Variants in SYT1 observed in about 807,000 individuals in gnomAD.
SYT1 encodes the protein synaptotagmin-1.
A neutral mutation model predicts 44.8 loss-of-function variants in SYT1; 8 were observed. That is an observed-to-expected ratio of 0.18 (90% CI 0.10 to 0.32). The LOEUF is 0.32. Among genes scored for constraint, SYT1 ranks in the 10% least tolerant of loss-of-function variants. The pLI is 1.00. For synonymous variants in SYT1, 154 were observed against 188.8 expected (o/e 0.82, Z 1.51); for missense variants, 286 against 509.3 (o/e 0.56, Z 4.22).
intron 1 of SYT1, among the ~76,000 whole-genome samples, chr12:78,939,546 A>G (rs960429523): frequency 6.6e-6 from 1 of 152,144 alleles, no homozygotes; most frequent in Non-Finnish European, 1.5e-5. Flanking sequence ...AATACAAAAT[A>G]ATTACAGAAC....
At chr12:79,120,954 G>GATAT (rs1555199872) in intron 3 of SYT1, among the ~76,000 whole-genome samples, 1 of 139,904 alleles carries the variant, frequency 7.1e-6, no homozygotes, top group Non-Finnish European at 1.5e-5. Flanking sequence ...TATATATATA[G>GATAT]ATATATATAC....
chr12:79,450,704 C>CACAA lies in SYT1; in HGVS notation c.*1584_*1587dup, dbSNP rs1491379871. The CACAA allele has an allele frequency of 7.2e-5, 11 of 152,612 alleles. No individual in the cohort carries two copies. The highest frequency in any genetic ancestry group is 2.2e-4 in the African/African-American group (9 of 41,440). The allele number at this position is 152,612 out of a possible 1,614,324, so 9.5% of individuals were successfully genotyped here. A position where few individuals can be genotyped will look rare whatever the true frequency, so the allele number is the denominator to read the frequency against. On this transcript the variant is annotated 3_prime_UTR_variant, in exon 11 of 11. Transcript: ENST00000261205. ...ACTGCACTGCCCAAGGTGTGTGTAG[C>CACAA]ACAAACAGTTCTCATTACAAAGGAC...
chr12:78,895,788 T>A (rs1196321099), intron 1 of SYT1, among the ~76,000 whole-genome samples: 1 of 151,848 alleles, frequency 6.6e-6, no homozygotes, highest in Non-Finnish European at 1.5e-5. Context: ...TTTTGATCTA[T>A]GGTCTAAATT....
At chr12:78,983,791 A>C (rs190743388) in intron 2 of SYT1, among the ~76,000 whole-genome samples, 1 of 152,232 alleles carries the variant, frequency 6.6e-6, no homozygotes, top group Admixed American at 6.5e-5. Context: ...AAGAATAGCA[A>C]TGTAAGAGTT....
intron 4 of SYT1, among the ~76,000 whole-genome samples, chr12:79,228,199 T>C (rs760230237): frequency 5.9e-5 from 9 of 152,062 alleles, no homozygotes; most frequent in Non-Finnish European, 1.2e-4. Flanking sequence ...AAAAATTTCT[T>C]CCCCTACTTT....
intron 3 of SYT1, among the ~76,000 whole-genome samples, chr12:79,161,083 C>CA (rs1184976307): frequency 6.6e-6 from 1 of 151,846 alleles, no homozygotes; most frequent in African/African-American, 2.4e-5. Flanking sequence ...TTAAAAAACA[C>CA]AAAAAATATT....
At chr12:79,234,548 A>G (rs1470244905) in intron 4 of SYT1, among the ~76,000 whole-genome samples, 2 of 152,170 alleles carry the variant, frequency 1.3e-5, no homozygotes, top group Non-Finnish European at 2.9e-5. Context: ...CACTTAGCAC[A>G]ATGTTTTTGC....
At chr12:78,912,742 GTGT>G (rs1345063777) in intron 1 of SYT1, among the ~76,000 whole-genome samples, 1 of 151,916 alleles carries the variant, frequency 6.6e-6, no homozygotes, top group Non-Finnish European at 1.5e-5. Context: ...TGGGCATCAT[GTGT>G]TGGTAGGACA....
chr12:79,047,112 C>T (rs1182797632), intron 2 of SYT1, among the ~76,000 whole-genome samples, 185 bp from the exon 3 acceptor site: 4 of 151,564 alleles, frequency 2.6e-5, no homozygotes, highest in Non-Finnish European at 5.9e-5. Flanking sequence ...CATCAAACAA[C>T]TTTAAAATCC....
intron 4 of SYT1, among the ~76,000 whole-genome samples, chr12:79,284,664 C>T (rs1203163964): frequency 2.6e-5 from 4 of 151,722 alleles, no homozygotes; most frequent in African/African-American, 7.3e-5. Context: ...GGTGAAACCC[C>T]GTATCTACTA....
intron 4 of SYT1, among the ~76,000 whole-genome samples, chr12:79,281,197 A>G (rs1879035105): frequency 6.6e-6 from 1 of 152,148 alleles, no homozygotes; most frequent in Non-Finnish European, 1.5e-5. Context: ...AGACACCTGC[A>G]CTTATATGTT....
intron 9 of SYT1, among the ~76,000 whole-genome samples, chr12:79,388,159 C>T (rs1884509666): frequency 6.6e-6 from 1 of 152,136 alleles, no homozygotes. Flanking sequence ...CTGCATTGTA[C>T]AAACATTTAA....
chr12:79,291,304 A>C (rs1223556416), intron 5 of SYT1, among the ~76,000 whole-genome samples: 3 of 152,084 alleles, frequency 2.0e-5, no homozygotes, highest in Non-Finnish European at 4.4e-5. Flanking sequence ...TGCAAACTTA[A>C]CTCTTTTTAT....
chr12:78,876,714 A>G (rs1592514859), intron 1 of SYT1, among the ~76,000 whole-genome samples: 3 of 115,470 alleles, frequency 2.6e-5, no homozygotes, highest in Admixed American at 1.2e-4. Context: ...TATATAATAT[A>G]TTATATAATA....
intron 3 of SYT1, among the ~76,000 whole-genome samples, chr12:79,070,196 C>T (rs1193824596): frequency 6.6e-6 from 1 of 152,050 alleles, no homozygotes; most frequent in African/African-American, 2.4e-5. Flanking sequence ...TCAAGATAGA[C>T]CCAGGAATCT....
At chr12:78,867,278 A>T (rs1488007545) in intron 1 of SYT1, among the ~76,000 whole-genome samples, 1 of 152,126 alleles carries the variant, frequency 6.6e-6, no homozygotes, top group Non-Finnish European at 1.5e-5. Context: ...CTGTCTTAGG[A>T]ATATGTGAAA....
At chr12:79,363,218 T>C (rs1210153935) in intron 9 of SYT1, among the ~76,000 whole-genome samples, 1 of 152,168 alleles carries the variant, frequency 6.6e-6, no homozygotes, top group Admixed American at 6.5e-5. Flanking sequence ...TTAAAAATTA[T>C]GTTTAGTGGG....
At chr12:78,876,119 G>C (rs1169050017) in intron 1 of SYT1, among the ~76,000 whole-genome samples, 2 of 151,676 alleles carry the variant, frequency 1.3e-5, no homozygotes, top group East Asian at 3.9e-4. Flanking sequence ...TGAAACAAAA[G>C]TAAATAAACA....
At chr12:79,235,115 T>C (rs1876111083) in intron 4 of SYT1, among the ~76,000 whole-genome samples, 1 of 152,224 alleles carries the variant, frequency 6.6e-6, no homozygotes, top group Non-Finnish European at 1.5e-5. Flanking sequence ...TGCCTAAGTA[T>C]AGAATTACTA....
Sources: gnomAD v4.1 joint callset for allele counts (sites outside exome capture counted in the v4.1 genomes callset) on GRCh38, gnomAD v4.1.1 for gene constraint, MANE v1.5 for transcripts, NCBI Gene and HGNC (gene_info 2026-07-23, HGNC 2026-07-21) for gene names.